BABAM2: variants seen among roughly 807,000 people sequenced by gnomAD.
BABAM2 encodes BRISC and BRCA1-A complex member 2.
In BABAM2, 31 loss-of-function variants were observed where a neutral mutation model predicts 54.7. The observed-to-expected ratio is 0.57, with a 90% CI of 0.43 to 0.77. BABAM2 has a LOEUF of 0.77. Among genes scored for constraint, BABAM2 ranks in the 30% least tolerant of loss-of-function variants. The pLI, the probability that BABAM2 is intolerant of heterozygous loss-of-function variation, is 0.00. For synonymous variants in BABAM2, 167 were observed against 162.9 expected (o/e 1.03, Z -0.19); for missense variants, 364 against 455.8 (o/e 0.80, Z 1.83).
At chr2:28,138,877 T>G (rs1051399818) in intron 7 of BABAM2, among the ~76,000 whole-genome samples, 2 of 152,160 alleles carry the variant, frequency 1.3e-5, no homozygotes, top group African/African-American at 2.4e-5. Context: ...ATCTTATTCT[T>G]TGCTAGATTA....
At chr2:28,247,783 G>C (rs1573925187) in intron 10 of BABAM2, among the ~76,000 whole-genome samples, 3 of 152,180 alleles carry the variant, frequency 2.0e-5, no homozygotes, top group Non-Finnish European at 2.9e-5. Flanking sequence ...TTGGATGCTA[G>C]AGGAAAGAGG....
chr2:28,240,796 G>A (rs528275626), intron 8 of BABAM2, among the ~76,000 whole-genome samples: 60 of 150,708 alleles, frequency 4.0e-4, no homozygotes, highest in Non-Finnish European at 7.5e-4. Flanking sequence ...CTTGAACCCA[G>A]GAGGTGGAGG....
chr2:28,257,099 C>T (rs1346260585), intron 10 of BABAM2, among the ~76,000 whole-genome samples: 1 of 152,086 alleles, frequency 6.6e-6, no homozygotes. Context: ...AAATAATGCC[C>T]TGATTTGAGG....
intron 7 of BABAM2, among the ~76,000 whole-genome samples, chr2:28,180,853 A>G (rs571547386): frequency 6.6e-6 from 1 of 152,338 alleles, no homozygotes; most frequent in South Asian, 2.1e-4. Context: ...ACAGGTATAC[A>G]AAAAATGCTC....
intron 7 of BABAM2, chr2:28,233,350 C>A: frequency 2.2e-6 from 1 of 454,998 alleles, no homozygotes; most frequent in South Asian, 1.6e-5. Flanking sequence ...GGAATCTCTG[C>A]ACAGGGTGAG....
intron 4 of BABAM2, among the ~76,000 whole-genome samples, chr2:28,006,856 T>C (rs1019423826): frequency 2.0e-5 from 3 of 152,034 alleles, no homozygotes; most frequent in Admixed American, 2.0e-4. Flanking sequence ...TTAGGTGTCA[T>C]ATATAAAAAT....
At chr2:28,033,548 T>C (rs1676450031) in intron 5 of BABAM2, among the ~76,000 whole-genome samples, 1 of 152,104 alleles carries the variant, frequency 6.6e-6, no homozygotes, top group South Asian at 2.1e-4. Context: ...TCTCTTCTTG[T>C]AAAGCCGCCA....
chr2:28,228,450 T>TTG (rs1442732428), intron 7 of BABAM2, among the ~76,000 whole-genome samples: 3 of 152,206 alleles, frequency 2.0e-5, no homozygotes, highest in African/African-American at 7.2e-5. Flanking sequence ...TGTTTTTTTT[T>TTG]CCAGGGAAAA....
At chr2:28,177,484 G>A (rs1418412547) in intron 7 of BABAM2, among the ~76,000 whole-genome samples, 1 of 148,304 alleles carries the variant, frequency 6.7e-6, no homozygotes, top group African/African-American at 2.6e-5. Context: ...CACTGGTAAA[G>A]CAAACACACA....
chr2:28,253,145 C>T (rs773963800), intron 10 of BABAM2, among the ~76,000 whole-genome samples: 1 of 151,956 alleles, frequency 6.6e-6, no homozygotes, highest in African/African-American at 2.4e-5. Flanking sequence ...GGCTCATGCC[C>T]GTAATCCTAG....
chr2:28,250,338 T>TAG (rs1683331111), intron 10 of BABAM2, among the ~76,000 whole-genome samples: 13 of 150,070 alleles, frequency 8.7e-5, no homozygotes, highest in Admixed American at 6.6e-4. Context: ...TTTTTTTTTT[T>TAG]TAGCTATCTA....
chr2:28,129,160 G>A (rs1193790700), intron 6 of BABAM2, 111 bp from the exon 7 acceptor site: 15 of 969,246 alleles, frequency 1.5e-5, no homozygotes, highest in Non-Finnish European at 2.3e-5. Context: ...AGCTAAAGTG[G>A]AATAAGGGTA....
chr2:28,301,248 C>T (rs1352249095), intron 11 of BABAM2, among the ~76,000 whole-genome samples: 1 of 152,210 alleles, frequency 6.6e-6, no homozygotes, highest in Non-Finnish European at 1.5e-5. Context: ...TGTTTATTCC[C>T]TCCTGTAGAG....
chr2:28,239,058 CT>C (rs1346000035), intron 8 of BABAM2, among the ~76,000 whole-genome samples: 13 of 152,098 alleles, frequency 8.5e-5, no homozygotes, highest in Admixed American at 7.2e-4. Flanking sequence ...TTGTGGGTTT[CT>C]GTTAAAATGG....
intron 6 of BABAM2, among the ~76,000 whole-genome samples, chr2:28,069,843 TC>T (rs1330241943): frequency 6.6e-6 from 1 of 152,222 alleles, no homozygotes; most frequent in East Asian, 1.9e-4. Context: ...TTATTTATTA[TC>T]ATTCTTGTTA....
chr2:28,320,809 T>A (rs1689966338), intron 11 of BABAM2, among the ~76,000 whole-genome samples: 1 of 152,244 alleles, frequency 6.6e-6, no homozygotes, highest in Admixed American at 6.5e-5. Flanking sequence ...GCTCTGCCTT[T>A]ATCATGTGCC....
At chr2:28,274,542 C>T (rs1237754189) in intron 10 of BABAM2, among the ~76,000 whole-genome samples, 1 of 152,194 alleles carries the variant, frequency 6.6e-6, no homozygotes, top group Non-Finnish European at 1.5e-5. Context: ...ATCCTCCCAC[C>T]TCAACCCCCT....
intron 9 of BABAM2, among the ~76,000 whole-genome samples, chr2:28,243,678 G>A (rs544703921): frequency 1.4e-4 from 22 of 152,174 alleles, no homozygotes; most frequent in African/African-American, 5.3e-4. Flanking sequence ...CTGCACTCCA[G>A]CTTGGGCAAT....
chr2:28,313,096 C>G (rs1689224934), intron 11 of BABAM2, among the ~76,000 whole-genome samples: 1 of 152,192 alleles, frequency 6.6e-6, no homozygotes, highest in Non-Finnish European at 1.5e-5. Flanking sequence ...CGTGGAGTGG[C>G]CTGGCATGGG....
Sources: gnomAD v4.1 joint callset for allele counts (sites outside exome capture counted in the v4.1 genomes callset) on GRCh38, gnomAD v4.1.1 for gene constraint, MANE v1.5 for transcripts, NCBI Gene and HGNC (gene_info 2026-07-23, HGNC 2026-07-21) for gene names.